The following EPB41L5 variants were observed in gnomAD, a reference collection of about 807,000 sequenced individuals.
The protein encoded by EPB41L5 is erythrocyte membrane protein band 4.1 like 5.
A neutral mutation model predicts 106.6 loss-of-function variants in EPB41L5; 55 were observed. That is an observed-to-expected ratio of 0.52 (90% CI 0.42 to 0.65). The LOEUF is 0.65. Among genes scored for constraint, EPB41L5 ranks in the 30% least tolerant of loss-of-function variants. The pLI, the probability that EPB41L5 is intolerant of heterozygous loss-of-function variation, is 0.00. For synonymous variants in EPB41L5, 297 were observed against 306.7 expected, an observed-to-expected ratio of 0.97 and a Z score of 0.33; for missense variants, 871 against 882.1, an observed-to-expected ratio of 0.99 and a Z score of 0.16.
At chr2:120,167,806 G>T (rs1687482965) in intron 23 of EPB41L5, 71 bp from the exon 24 acceptor site, 3 of 1,573,630 alleles carry the variant, frequency 1.9e-6, no homozygotes, top group African/African-American at 2.7e-5. Context: ...AGTGAAGCTT[G>T]ATTTGGAGCT....
At chr2:120,139,016 GAAAT>G (rs1340619014) in intron 18 of EPB41L5, among the ~76,000 whole-genome samples, 1 of 151,992 alleles carries the variant, frequency 6.6e-6, no homozygotes, top group African/African-American at 2.4e-5. Context: ...AGAGAAGCCA[GAAAT>G]AAATCCATAC....
Position 120,068,585 on chromosome 2 carries a change from C to T in EPB41L5, c.286-4593C>T, listed in dbSNP as rs183306779. On this transcript the variant is annotated intron_variant, in intron 3 of 24. Transcript: ENST00000263713. ...TTTCCCCTCACAGTATAAACAAAGC[C>T]GCCAGGAAGTTCGGACTGGGCAGAG... Among the ~76,000 whole-genome samples, 32 of 152,276 alleles carry T rather than the reference C, an allele frequency of 2.1e-4. No homozygotes were observed. In the East Asian group the frequency reaches 4.4e-3, roughly 21 times the overall value.
intron 3 of EPB41L5, among the ~76,000 whole-genome samples, chr2:120,067,438 T>A (rs1530531): frequency 1.4e-4 from 22 of 152,126 alleles, no homozygotes; most frequent in Non-Finnish European, 2.6e-4. Context: ...TGAAAGCATG[T>A]CAGAGAGAAC....
chr2:120,132,865 G>C (rs1002761972), intron 18 of EPB41L5, among the ~76,000 whole-genome samples: 9 of 152,246 alleles, frequency 5.9e-5, no homozygotes, highest in African/African-American at 1.4e-4. Flanking sequence ...GTAACACTTG[G>C]GGGTAGGGAG....
intron 18 of EPB41L5, among the ~76,000 whole-genome samples, chr2:120,137,401 A>T (rs971875867): frequency 1.3e-5 from 2 of 151,944 alleles, no homozygotes; most frequent in African/African-American, 4.8e-5. Flanking sequence ...ACCAAAAAAT[A>T]CAAAAGATCA....
rs548704245 is a variant in EPB41L5, at chr2:120,075,376, A to T, written c.408-100A>T. The stretch of plus-strand genomic sequence containing the variant: ...ACATCTTTTATACATTAATACAAGT[A>T]ATTTTTAATGAAATAATACTTCTCA... On this transcript the variant is annotated intron_variant, in intron 5 of 24. Transcript: ENST00000263713. 128 of 863,148 alleles carry T rather than the reference A, an allele frequency of 1.5e-4. 1 individual carries two copies. Among genetic ancestry groups the T allele is most frequent in the Middle Eastern group, 1.4e-3 (6 of 4,256 alleles). The allele number at this position is 863,148 out of a possible 1,614,324, so 53.5% of individuals were successfully genotyped here.
intron 3 of EPB41L5, among the ~76,000 whole-genome samples, chr2:120,042,981 C>CT (rs1426583012): frequency 7.0e-6 from 1 of 142,636 alleles, no homozygotes; most frequent in Non-Finnish European, 1.5e-5. Context: ...GGCATTAAGC[C>CT]TTTTTTTCTG....
intron 2 of EPB41L5, among the ~76,000 whole-genome samples, chr2:120,022,425 CAT>C (rs1428965158): frequency 6.6e-6 from 1 of 151,514 alleles, no homozygotes; most frequent in Non-Finnish European, 1.5e-5. Flanking sequence ...TGAGTGAGAA[CAT>C]GTGGTGTTTG....
At chr2:120,045,352 TATTTA>T (rs1679696808) in intron 3 of EPB41L5, among the ~76,000 whole-genome samples, 1 of 152,238 alleles carries the variant, frequency 6.6e-6, no homozygotes, top group Non-Finnish European at 1.5e-5. Flanking sequence ...CATGTACACA[TATTTA>T]ATTTCATAGT....
chr2:120,175,042 T>A lies in EPB41L5; in HGVS notation c.*135T>A. 1 of 810,650 alleles carries A rather than the reference T, an allele frequency of 1.2e-6. No individual in the cohort carries two copies. The highest frequency in any genetic ancestry group is 2.1e-6 in the Non-Finnish European group (1 of 469,370). The allele number at this position is 810,650 out of a possible 1,614,324, so 50.2% of individuals were successfully genotyped here. ...GCACGTAGATTTGACTTCAACTCCG[T>A]AAAAAAGACAGCTGTATTTTCCGTC... is the stretch of plus-strand genomic sequence containing the variant. On this transcript the variant is annotated 3_prime_UTR_variant, in exon 25 of 25. Transcript: ENST00000263713.
At chr2:120,169,400 A>G (rs1245252229) in intron 24 of EPB41L5, among the ~76,000 whole-genome samples, 1 of 152,260 alleles carries the variant, frequency 6.6e-6, no homozygotes, top group South Asian at 2.1e-4. Context: ...AGAAGAAAAC[A>G]TGAGTGAACT....
chr2:120,126,413 CTAAAGTTTTACAGTTTTTACTCTTA>C (rs1247587388), intron 16 of EPB41L5, among the ~76,000 whole-genome samples: 3 of 152,014 alleles, frequency 2.0e-5, no homozygotes, highest in Non-Finnish European at 4.4e-5. Context: ...TATATTTGTT[CTAAAGTTTTACAGTTTTTACTCTTA>C]ACACTTAGGT....
intron 16 of EPB41L5, among the ~76,000 whole-genome samples, chr2:120,123,923 G>A (rs1238800346): frequency 6.6e-6 from 1 of 152,056 alleles, no homozygotes; most frequent in Non-Finnish European, 1.5e-5. Flanking sequence ...CTCCCAAAGT[G>A]CCTGGATTAC....
rs917434699 is a variant in EPB41L5, at chr2:120,164,727, A to T, written c.1888-109A>T. 5.9e-6 allele frequency: 4 copies of T among 672,716 alleles called. No individual in the cohort carries two copies. The African/African-American group carries it at 7.4e-5, about 12-fold the overall frequency. The allele number at this position is 672,716 out of a possible 1,614,324, so 41.7% of individuals were successfully genotyped here. ...AGTGTCCCTGTGTATTTAAAGGATTAACACTAATCAGGCCTGTGTCAGAAT... is the reference window on the plus strand; with the variant it reads ...AGTGTCCCTGTGTATTTAAAGGATTTACACTAATCAGGCCTGTGTCAGAAT... On this transcript the variant is annotated intron_variant, in intron 21 of 24. Coordinates refer to ENST00000263713, the MANE Select transcript of EPB41L5 (RefSeq NM_020909.4).
At chr2:120,063,574 A>G (rs1681227007) in intron 3 of EPB41L5, among the ~76,000 whole-genome samples, 1 of 152,112 alleles carries the variant, frequency 6.6e-6, no homozygotes, top group Non-Finnish European at 1.5e-5. Flanking sequence ...AATAACCTGT[A>G]TACCAAACCC....
At chr2:120,109,522 C>G (rs113019319) in intron 16 of EPB41L5, among the ~76,000 whole-genome samples, 1 of 152,142 alleles carries the variant, frequency 6.6e-6, no homozygotes, top group Non-Finnish European at 1.5e-5. Context: ...CCTTGCTTTC[C>G]CTGCTGTTAC....
At chr2:120,162,207 C>G (rs1687164638) in intron 21 of EPB41L5, among the ~76,000 whole-genome samples, 1 of 152,216 alleles carries the variant, frequency 6.6e-6, no homozygotes, top group African/African-American at 2.4e-5. Flanking sequence ...ATCACTATCA[C>G]TAATTGCACT....
intron 3 of EPB41L5, among the ~76,000 whole-genome samples, chr2:120,069,218 G>T (rs1011223648): frequency 1.4e-5 from 2 of 141,736 alleles, no homozygotes; most frequent in Non-Finnish European, 3.0e-5. Flanking sequence ...AACCAACAAA[G>T]ATCAAAAAAG....
At chr2:120,089,519 A>G (rs540453751) in intron 11 of EPB41L5, among the ~76,000 whole-genome samples, 6 of 152,252 alleles carry the variant, frequency 3.9e-5, no homozygotes, top group East Asian at 3.9e-4. Context: ...TATATATGCT[A>G]TTGTGTAATA....
Sources: allele counts gnomAD v4.1 joint callset (sites outside exome capture counted in the v4.1 genomes callset), GRCh38; gene constraint gnomAD v4.1.1; transcripts MANE v1.5; gene names NCBI Gene and HGNC (gene_info 2026-07-23, HGNC 2026-07-21).